The following CBLB variants were observed in gnomAD, a reference collection of about 807,000 sequenced individuals.
CBLB encodes the protein Cbl proto-oncogene B.
In CBLB, 31 loss-of-function variants were observed where a neutral mutation model predicts 104.9. That is an observed-to-expected ratio of 0.30 (90% CI 0.22 to 0.40). The LOEUF (loss-of-function observed/expected upper bound fraction) is 0.40. Ranked by LOEUF, CBLB falls within the 10% of genes least tolerant of loss-of-function variation. The pLI is 1.00. For synonymous variants in CBLB, 440 were observed against 422.6 expected, an observed-to-expected ratio of 1.04 and a Z score of -0.51; for missense variants, 1,062 against 1,214.6, an observed-to-expected ratio of 0.87 and a Z score of 1.87.
intron 4 of CBLB, among the ~76,000 whole-genome samples, chr3:105,769,389 G>C (rs1185027879): frequency 6.6e-6 from 1 of 152,042 alleles, no homozygotes; most frequent in African/African-American, 2.4e-5. Flanking sequence ...AAATAAGTAA[G>C]ATGCAGTCTC....
At chr3:105,718,891 T>A (rs1387368486) in intron 10 of CBLB, among the ~76,000 whole-genome samples, 1 of 152,232 alleles carries the variant, frequency 6.6e-6, no homozygotes, top group Non-Finnish European at 1.5e-5. Context: ...GGGAATAGCC[T>A]GATATCCAAG....
At chr3:105,679,335 TTAAAAAAAAAA>T (rs754277097) in intron 16 of CBLB, among the ~76,000 whole-genome samples, 22 of 75,160 alleles carry the variant, frequency 2.9e-4, no homozygotes, top group African/African-American at 8.1e-4. Flanking sequence ...CCTTGAGTCT[TTAAAAAAAAAA>T]AAAAAAAAAA....
At chr3:105,701,984 AG>A in intron 12 of CBLB, 109 bp downstream of exon 12, 4 of 1,130,556 alleles carry the variant, frequency 3.5e-6, no homozygotes, top group Middle Eastern at 5.6e-4. Flanking sequence ...AAAGACTTAC[AG>A]GGAAGTGCCA....
chr3:105,796,158 A>G (rs1560279680), intron 3 of CBLB, among the ~76,000 whole-genome samples: 1 of 152,250 alleles, frequency 6.6e-6, no homozygotes, highest in Non-Finnish European at 1.5e-5. Flanking sequence ...CAAAAACAAC[A>G]AAGCTAGAGA....
intron 3 of CBLB, among the ~76,000 whole-genome samples, chr3:105,826,008 T>C (rs1271421090): frequency 6.6e-6 from 1 of 152,150 alleles, no homozygotes; most frequent in Non-Finnish European, 1.5e-5. Flanking sequence ...AAAGATAGCT[T>C]CAACTAAGCT....
intron 3 of CBLB, among the ~76,000 whole-genome samples, chr3:105,810,091 G>A (rs1372126788): frequency 1.3e-5 from 2 of 152,176 alleles, no homozygotes; most frequent in Non-Finnish European, 2.9e-5. Flanking sequence ...GACAGAACGT[G>A]TACACCCTGA....
intron 18 of CBLB, among the ~76,000 whole-genome samples, chr3:105,662,932 CTG>C (rs140278916): frequency 0.022 from 3,395 of 152,336 alleles, 88 homozygotes; most frequent in East Asian, 0.12. Context: ...CCACTTGAGA[CTG>C]TCATTAGGAG....
At chr3:105,859,389 C>T (rs775681677) in intron 2 of CBLB, among the ~76,000 whole-genome samples, 2 of 152,142 alleles carry the variant, frequency 1.3e-5, no homozygotes, top group East Asian at 1.9e-4. Context: ...CGGTGGCTCA[C>T]GCCTGTAATC....
At chr3:105,778,671 A>T (rs2079779034) in intron 3 of CBLB, among the ~76,000 whole-genome samples, 1 of 152,116 alleles carries the variant, frequency 6.6e-6, no homozygotes, top group South Asian at 2.1e-4. Flanking sequence ...ACCCATAAAC[A>T]ATCTGGAAAA....
Position 105,741,696 on chromosome 3 carries a change from A to G in CBLB, c.846-1065T>C, listed in dbSNP as rs546490078. 1.1e-4 allele frequency among the ~76,000 whole-genome samples: 17 copies of G among 152,020 alleles called. No homozygotes were observed. The South Asian group carries it at 1.9e-3, about 17-fold the overall frequency. On this transcript the variant is annotated intron_variant, in intron 6 of 18. Transcript: ENST00000394030. ...AGGCATGAGCCACCGCGCCTGGCCA[A>G]TTTTTTGTATTTTTAATAGAGACCA...
At chr3:105,840,697 T>A (rs1326201714) in intron 3 of CBLB, among the ~76,000 whole-genome samples, 2 of 152,080 alleles carry the variant, frequency 1.3e-5, no homozygotes, top group African/African-American at 4.8e-5. Context: ...CACAGGAAAA[T>A]GGAATTGGAC....
intron 10 of CBLB, among the ~76,000 whole-genome samples, chr3:105,716,338 A>AGT (rs946182106): frequency 6.6e-6 from 1 of 152,204 alleles, no homozygotes; most frequent in African/African-American, 2.4e-5. Context: ...TGTGTGCAGG[A>AGT]GTGTGCATTT....
At position 105,686,452 on chromosome 3, in the gene CBLB, A is replaced by T. The variant is rs192459814; in HGVS notation, c.2055-986T>A. Among the ~76,000 whole-genome samples, 133 of 123,760 alleles carry T rather than the reference A, an allele frequency of 1.1e-3. 1 individual carries two copies. Among genetic ancestry groups the T allele is most frequent in the African/African-American group, 3.4e-3 (129 of 37,826 alleles). The allele number at this position is 123,760 out of a possible 152,430, so 81.2% of individuals were successfully genotyped here. On this transcript the variant is annotated intron_variant, in intron 13 of 18. Coordinates refer to ENST00000394030, the MANE Select transcript of CBLB (RefSeq NM_170662.5). ...AATCTGTTCAATTTAAAAAGGAAGG[A>T]AAAAAAAAAAACAAAAAAACTAAGT... is the stretch of plus-strand genomic sequence containing the variant.
Position 105,767,065 on chromosome 3 carries a change from T to C in CBLB, c.566+9331A>G, listed in dbSNP as rs574607145. On this transcript the variant is annotated intron_variant, in intron 4 of 18. Transcript: ENST00000394030. Reference sequence around the variant, plus strand: ...GATATGTAAGTTTTTATTTTCCTTATTGACATAAAGATACCTGAAATTTTT... The same window carrying C: ...GATATGTAAGTTTTTATTTTCCTTACTGACATAAAGATACCTGAAATTTTT... Among the ~76,000 whole-genome samples the C allele has an allele frequency of 3.9e-5, 6 of 152,330 alleles. No individual in the cohort carries two copies. The East Asian group carries it at 1.2e-3, about 29-fold the overall frequency.
At chr3:105,791,107 T>C (rs2081584116) in intron 3 of CBLB, among the ~76,000 whole-genome samples, 1 of 152,260 alleles carries the variant, frequency 6.6e-6, no homozygotes, top group African/African-American at 2.4e-5. Flanking sequence ...CTGTTGAAGA[T>C]TTCTCTGTTG....
intron 9 of CBLB, among the ~76,000 whole-genome samples, chr3:105,720,806 C>T (rs2072704053): frequency 6.6e-6 from 1 of 152,200 alleles, no homozygotes; most frequent in East Asian, 1.9e-4. Context: ...CAAAAGCCAT[C>T]ATCTGTCCTG....
Position 105,734,119 on chromosome 3 carries a change from C to T in CBLB, c.1093G>A (p.Glu365Lys). The change falls in exon 9 of 19, where the codon GAA (glutamate) becomes AAA (lysine). Residue 365 changes from glutamate to lysine, a missense_variant. By Grantham distance (56) the Glu-to-Lys change is moderately conservative. Coordinates refer to ENST00000394030, the MANE Select transcript of CBLB (RefSeq NM_170662.5). ...VTQEQYELYC[E>K]MGSTFQLCKI... ...CAGAGCTGAAAAGTGGAGCCCATTT[C>T]ACAATATAATTCATATTGTTCCTGG... 3.7e-6 allele frequency: 6 copies of T among 1,613,758 alleles called. No homozygotes were observed. Among genetic ancestry groups the T allele is most frequent in the Non-Finnish European group, 5.1e-6 (6 of 1,179,662 alleles).
intron 3 of CBLB, among the ~76,000 whole-genome samples, chr3:105,788,703 A>G (rs1359601385): frequency 6.6e-6 from 1 of 152,206 alleles, no homozygotes; most frequent in Non-Finnish European, 1.5e-5. Flanking sequence ...TAAAAAATTA[A>G]AAATGGCCAC....
chr3:105,784,995 T>C (rs547570210), intron 3 of CBLB, among the ~76,000 whole-genome samples: 4 of 152,298 alleles, frequency 2.6e-5, no homozygotes, highest in South Asian at 2.1e-4. Context: ...AATACCCACA[T>C]GGAATCTTTT....
Sources: gnomAD v4.1 joint callset for allele counts (sites outside exome capture counted in the v4.1 genomes callset) on GRCh38, gnomAD v4.1.1 for gene constraint, MANE v1.5 for transcripts, NCBI Gene and HGNC (gene_info 2026-07-23, HGNC 2026-07-21) for gene names.